Variants in TBCD observed in about 807,000 individuals in gnomAD.
The protein encoded by TBCD is tubulin-specific chaperone D.
Under a neutral mutation model 169.3 loss-of-function variants are expected in TBCD, and 105 were observed. The observed-to-expected ratio is 0.62, with a 90% CI of 0.53 to 0.73. The LOEUF (loss-of-function observed/expected upper bound fraction) is 0.73, where lower values mean the gene tolerates loss of function less well. Among genes scored for constraint, TBCD ranks in the 30% least tolerant of loss-of-function variants. The pLI is 0.00. For missense variants in TBCD, 1,444 were observed against 1,600.1 expected (o/e 0.90, Z 1.66); for synonymous variants, 700 against 643.9 (o/e 1.09, Z -1.32).
At chr17:82,823,595 G>A (rs569093413) in intron 13 of TBCD, among the ~76,000 whole-genome samples, 5 of 147,978 alleles carry the variant, frequency 3.4e-5, no homozygotes, top group East Asian at 2.2e-4. Flanking sequence ...GGGGGCAGAC[G>A]GCAGTGGGCC....
At chr17:82,928,124 G>GGGA in intron 30 of TBCD, 136 bp downstream of exon 30, 1 of 759,170 alleles carries the variant, frequency 1.3e-6, no homozygotes, top group South Asian at 1.7e-5. Context: ...GAGCCTCTCT[G>GGGA]GTCCCTGACC....
At chr17:82,801,135 T>C in intron 9 of TBCD, 139 bp downstream of exon 9, 1 of 16,936 alleles carries the variant, frequency 5.9e-5, no homozygotes, top group Non-Finnish European at 9.9e-5. Flanking sequence ...TGTTGCGGGG[T>C]GGGGGAGGCA....
rs1013426223 is a variant in TBCD at position 82,874,047 on chromosome 17, G to A, written c.1475+3667G>A. Among the ~76,000 whole-genome samples the A allele has an allele frequency of 1.3e-5, 2 of 152,216 alleles. No individual in the cohort carries two copies. Among genetic ancestry groups the A allele is most frequent in the African/African-American group, 2.4e-5 (1 of 41,450 alleles). ...TCCTCTTTTGGAGCAGCTGCCACGT[G>A]TGGACCGGCACGGGCATGGTCGTGG... is the stretch of plus-strand genomic sequence containing the variant. On this transcript the variant is annotated intron_variant, in intron 14 of 38. Transcript: ENST00000355528. The surrounding 1 kb of genome is among the most constrained non-coding windows in gnomAD (Gnocchi z 5.0).
intron 6 of TBCD, 85 bp downstream of exon 6, chr17:82,772,592 C>T (rs2048362992): frequency 7.0e-7 from 1 of 1,419,578 alleles, no homozygotes; most frequent in Non-Finnish European, 1.0e-6. Context: ...TGTGCGTCTT[C>T]AGTCCTCAGA....
chr17:82,936,758 G>T (rs1243268519), intron 34 of TBCD, among the ~76,000 whole-genome samples: 6 of 152,202 alleles, frequency 3.9e-5, no homozygotes, highest in Admixed American at 3.9e-4. Flanking sequence ...CCTTCCAGGT[G>T]CCCTCTCAGA....
At chr17:82,824,776 AG>A (rs916479458) in intron 13 of TBCD, among the ~76,000 whole-genome samples, 2 of 151,694 alleles carry the variant, frequency 1.3e-5, no homozygotes, top group African/African-American at 4.8e-5. Context: ...CCCTTTTTTT[AG>A]TTCCTTTGGG....
rs1568114230 is a variant in TBCD at position 82,941,429 on chromosome 17, G to T, written c.3510G>T (p.Gln1170His). The T allele has an allele frequency of 1.9e-6, 3 of 1,601,758 alleles. No homozygotes were observed. Among genetic ancestry groups the T allele is most frequent in the Non-Finnish European group, 1.7e-6 (2 of 1,176,808 alleles). The change falls in exon 38 of 39, where the codon CAG becomes CAT. Residue 1170 changes from glutamine to histidine, a missense_variant. Physicochemically the swap from Gln to His is conservative, Grantham distance 24. Coordinates refer to ENST00000355528, the MANE Select transcript of TBCD (RefSeq NM_005993.5). ...WDAELAVVRE[Q>H]RNRLCDLLGV... ...CGGAGCTTGCAGTGGTGAGAGAGCA[G>T]CGCAACCGTCTGTGTGACCTTCTGG...
chr17:82,883,956 G>A (rs1223149032), intron 14 of TBCD, among the ~76,000 whole-genome samples, 189 bp from the exon 15 acceptor site: 1 of 152,096 alleles, frequency 6.6e-6, no homozygotes, highest in Non-Finnish European at 1.5e-5. Flanking sequence ...CCCACATGGC[G>A]TCTGGTGTCT....
chr17:82,878,389 G>T lies in TBCD; in HGVS notation c.1476-5756G>T, dbSNP rs1159766552. 2.0e-5 allele frequency among the ~76,000 whole-genome samples: 3 copies of T among 152,312 alleles called. No individual in the cohort carries two copies. In the East Asian group the frequency reaches 5.8e-4, roughly 29 times the overall value. ...CCCAGACAGAAGCCATGTGCACCAG[G>T]TCCCGTCACCCGCTCCAAGCCTGGC... On this transcript the variant is annotated intron_variant, in intron 14 of 38. Transcript: ENST00000355528.
rs575293126 is a variant in TBCD, at chr17:82,939,124, A to T, written c.3370-243A>T. 3 of 571,684 alleles carry T rather than the reference A, an allele frequency of 5.2e-6. No homozygotes were observed. In the African/African-American group the frequency reaches 5.7e-5, roughly 11 times the overall value. 35.4% of individuals were successfully genotyped at this position (571,684 alleles called of 1,614,324 possible). A position where few individuals can be genotyped will look rare whatever the true frequency, so the allele number is the denominator to read the frequency against. On this transcript the variant is annotated intron_variant, in intron 36 of 38. Transcript: ENST00000355528. Reference sequence around the variant, plus strand: ...TTAATAAAGCATTTAAACAAGAATGATGTCATCTTCACTGCTGGGATCCTG... The same window carrying T: ...TTAATAAAGCATTTAAACAAGAATGTTGTCATCTTCACTGCTGGGATCCTG...
Position 82,782,236 on chromosome 17 carries a change from CT to C in TBCD, c.771+517del, listed in dbSNP as rs10711709. On this transcript the variant is annotated intron_variant, in intron 7 of 38. Transcript: ENST00000355528. This position sits in a 1 kb window ranked among gnomAD's most constrained non-coding sequence, Gnocchi z 5.1. ...CCCTGCCCTTTCGCTCTGATTGTCT[CT>C]TGTGTTACCTTTTCTTGTGCTAACG... Among the ~76,000 whole-genome samples, 9,293 of 152,266 alleles carry C rather than the reference CT, an allele frequency of 0.061. 391 individuals are homozygous for C. Among genetic ancestry groups the C allele is most frequent in the Admixed American group, 0.14 (2,100 of 15,300 alleles).
intron 14 of TBCD, among the ~76,000 whole-genome samples, 164 bp downstream of exon 14, chr17:82,870,544 C>T (rs1386730684): frequency 6.6e-6 from 1 of 152,258 alleles, no homozygotes; most frequent in African/African-American, 2.4e-5. Flanking sequence ...AGCTCCTTTT[C>T]TGTGGGTGAG....
Position 82,930,696 on chromosome 17 carries a change from A to C in TBCD, c.3113+53A>C. On this transcript the variant is annotated intron_variant, in intron 33 of 38. Transcript: ENST00000355528. This position sits in a 1 kb window ranked among gnomAD's most constrained non-coding sequence, Gnocchi z 5.2. ...GGCGTGAGTGGTGCTGGTGCCTCTC[A>C]CCACGTTCCCACAGATTCCCGGGGT... 1 of 1,611,132 alleles carries C rather than the reference A, an allele frequency of 6.2e-7. No homozygotes were observed. The highest frequency in any genetic ancestry group is 8.5e-7 in the Non-Finnish European group (1 of 1,178,360).
chr17:82,915,707 G>T lies in TBCD; in HGVS notation c.2038+3918G>T, dbSNP rs1270424913. Among the ~76,000 whole-genome samples, 1 of 152,186 alleles carries T rather than the reference G, an allele frequency of 6.6e-6. No homozygotes were observed. Among genetic ancestry groups the T allele is most frequent in the Non-Finnish European group, 1.5e-5 (1 of 68,032 alleles). Reference sequence around the variant, plus strand: ...CCGAGGGCAGGGGCCGGGAGGAAGGGGGTCATCTGGCTCACAGCCTTGCAC... The same window carrying T: ...CCGAGGGCAGGGGCCGGGAGGAAGGTGGTCATCTGGCTCACAGCCTTGCAC... On this transcript the variant is annotated intron_variant, in intron 23 of 38. Transcript: ENST00000355528. This position sits in a 1 kb window ranked among gnomAD's most constrained non-coding sequence, Gnocchi z 4.3.
At chr17:82,857,994 C>G (rs1046170440) in intron 13 of TBCD, among the ~76,000 whole-genome samples, 2 of 152,034 alleles carry the variant, frequency 1.3e-5, no homozygotes, top group Non-Finnish European at 2.9e-5. Context: ...CTCACCGCAG[C>G]CTTGACCTCC....
At chr17:82,845,421 C>T (rs1457723682) in intron 13 of TBCD, among the ~76,000 whole-genome samples, 1 of 150,956 alleles carries the variant, frequency 6.6e-6, no homozygotes, top group Non-Finnish European at 1.5e-5. Flanking sequence ...CCTTCCTCTC[C>T]ATCTTGTCCG....
At chr17:82,882,126 G>A (rs1008655880) in intron 14 of TBCD, among the ~76,000 whole-genome samples, 1 of 152,244 alleles carries the variant, frequency 6.6e-6, no homozygotes, top group Non-Finnish European at 1.5e-5. Flanking sequence ...GCTTCTCCGA[G>A]GAAGTGCAGA....
intron 6 of TBCD, among the ~76,000 whole-genome samples, chr17:82,774,333 C>T (rs2048454674): frequency 6.6e-6 from 1 of 152,146 alleles, no homozygotes. Flanking sequence ...CCTGAGTGGA[C>T]ACAGCACATG....
chr17:82,928,933 G>C (rs912659003), intron 30 of TBCD, among the ~76,000 whole-genome samples, 180 bp from the exon 31 acceptor site: 5 of 152,136 alleles, frequency 3.3e-5, no homozygotes, highest in Admixed American at 6.5e-5. Context: ...GTAACGGAGT[G>C]TGGTTCTTCC....
Sources: allele counts gnomAD v4.1 joint callset (sites outside exome capture counted in the v4.1 genomes callset), GRCh38; gene constraint gnomAD v4.1.1; non-coding constraint Gnocchi (gnomAD v3.1); transcripts MANE v1.5; gene names NCBI Gene and HGNC (gene_info 2026-07-23, HGNC 2026-07-21).